The following DLG2 variants were observed in gnomAD, a reference collection of about 807,000 sequenced individuals.
The protein encoded by DLG2 is disks large homolog 2.
DLG2 carries 45 observed loss-of-function variants against 132.5 expected under a neutral mutation model. The ratio of observed to expected loss-of-function variants is 0.34; its 90% confidence interval spans 0.27 to 0.44. The LOEUF is 0.44. DLG2 is among the 20% of genes least tolerant of loss of function. The pLI, the probability that DLG2 is intolerant of heterozygous loss-of-function variation, is 1.00. For missense variants in DLG2, 1,045 were observed against 1,196.9 expected (o/e 0.87, Z 1.87); for synonymous variants, 424 against 419.6 (o/e 1.01, Z -0.13).
intron 3 of DLG2, among the ~76,000 whole-genome samples, chr11:85,578,426 A>T (rs1367052590): frequency 6.6e-6 from 1 of 152,200 alleles, no homozygotes; most frequent in Non-Finnish European, 1.5e-5. Flanking sequence ...CTACACAGCA[A>T]AGGAAACTCT....
At chr11:83,966,381 T>C (rs2090197978) in intron 12 of DLG2, among the ~76,000 whole-genome samples, 3 of 152,020 alleles carry the variant, frequency 2.0e-5, no homozygotes, top group Non-Finnish European at 4.4e-5. Context: ...AGTTCAAGGG[T>C]ACCCTATTGT....
chr11:83,539,184 TC>T (rs1359000226), intron 20 of DLG2, among the ~76,000 whole-genome samples: 1 of 152,174 alleles, frequency 6.6e-6, no homozygotes, highest in Admixed American at 6.5e-5. Context: ...TAAAATTTAT[TC>T]ACCATCTTCA....
intron 6 of DLG2, among the ~76,000 whole-genome samples, chr11:84,958,602 A>G (rs2052041579): frequency 6.6e-6 from 1 of 152,154 alleles, no homozygotes; most frequent in Admixed American, 6.5e-5. Context: ...ACAGCCAGAA[A>G]GACACAGACG....
intron 3 of DLG2, among the ~76,000 whole-genome samples, chr11:85,583,130 G>GTGTGTGTGTGTATA (rs1555190569): frequency 7.3e-5 from 1 of 13,606 alleles, no homozygotes; most frequent in Admixed American, 9.5e-4. Flanking sequence ...GTGTGTGTGT[G>GTGTGTGTGTGTATA]TATATATATA....
At chr11:85,105,853 G>C (rs1002200450) in intron 6 of DLG2, among the ~76,000 whole-genome samples, 2 of 151,910 alleles carry the variant, frequency 1.3e-5, no homozygotes, top group Non-Finnish European at 2.9e-5. Flanking sequence ...GAAACACCCA[G>C]AGAGCAGACA....
At chr11:84,541,140 T>C (rs183129796) in intron 6 of DLG2, among the ~76,000 whole-genome samples, 2,000 of 151,876 alleles carry the variant, frequency 0.013, 42 homozygotes, top group African/African-American at 0.046. Flanking sequence ...TGTATACATA[T>C]GTAACAAACC....
intron 4 of DLG2, among the ~76,000 whole-genome samples, chr11:85,186,020 G>C (rs1469628588): frequency 6.6e-6 from 1 of 151,702 alleles, no homozygotes; most frequent in South Asian, 2.1e-4. Flanking sequence ...TTATCATTTA[G>C]TTAGTCACTA....
chr11:84,237,843 C>T (rs149084056), intron 8 of DLG2, among the ~76,000 whole-genome samples: 1 of 152,004 alleles, frequency 6.6e-6, no homozygotes, highest in East Asian at 1.9e-4. Context: ...CAAGACCAGC[C>T]TGGCCAACAC....
At chr11:84,091,793 T>A (rs911812370) in intron 10 of DLG2, among the ~76,000 whole-genome samples, 30 of 152,344 alleles carry the variant, frequency 2.0e-4, no homozygotes, top group African/African-American at 6.7e-4. Context: ...TCAGCTGGAC[T>A]GTATTCATTT....
At chr11:84,217,224 T>A (rs1436646559) in intron 8 of DLG2, among the ~76,000 whole-genome samples, 2 of 152,176 alleles carry the variant, frequency 1.3e-5, no homozygotes, top group Non-Finnish European at 2.9e-5. Flanking sequence ...TTTATATGGG[T>A]TGGCTGTGTC....
At chr11:85,453,227 A>G in intron 3 of DLG2, 1 of 367,600 alleles carries the variant, frequency 2.7e-6, no homozygotes, top group Non-Finnish European at 4.8e-6. Context: ...CCAAATTATT[A>G]TCTGGTCCAG....
intron 6 of DLG2, among the ~76,000 whole-genome samples, chr11:85,073,684 A>G (rs1443836421): frequency 1.3e-5 from 2 of 151,858 alleles, no homozygotes; most frequent in Non-Finnish European, 2.9e-5. Flanking sequence ...GTCAAAGAAT[A>G]TTCTTTCTAA....
At chr11:85,304,825 G>T (rs1379620065) in intron 3 of DLG2, among the ~76,000 whole-genome samples, 1 of 152,146 alleles carries the variant, frequency 6.6e-6, no homozygotes, top group African/African-American at 2.4e-5. Flanking sequence ...TCAGTAGAAA[G>T]TTGGAAATGG....
intron 4 of DLG2, among the ~76,000 whole-genome samples, chr11:85,237,513 A>C (rs1464624118): frequency 1.3e-5 from 2 of 151,948 alleles, no homozygotes; most frequent in Non-Finnish European, 2.9e-5. Flanking sequence ...TTAAAACTTG[A>C]CTCCCCCAAA....
At chr11:84,701,195 T>C (rs1369435284) in intron 6 of DLG2, among the ~76,000 whole-genome samples, 2 of 151,576 alleles carry the variant, frequency 1.3e-5, no homozygotes. Context: ...CAATACATTT[T>C]TTTTTTCTGT....
intron 7 of DLG2, among the ~76,000 whole-genome samples, chr11:84,518,589 T>C (rs963754696): frequency 6.6e-6 from 1 of 152,122 alleles, no homozygotes; most frequent in Non-Finnish European, 1.5e-5. Flanking sequence ...TCGGAAGCTC[T>C]CAAAACTGTC....
chr11:84,273,051 C>T, intron 7 of DLG2: 1 of 1,050,810 alleles, frequency 9.5e-7, no homozygotes. Flanking sequence ...CTATGATCAT[C>T]AAATGCACAG....
Position 84,388,076 on chromosome 11 carries a change from C to A in DLG2, c.520-136785G>T, listed in dbSNP as rs573147381. ...TCTATCTTCTTGTTGTTCTACACTG[C>A]ACCATTATAGGTGCAACCATACACT... On this transcript the variant is annotated intron_variant, in intron 7 of 27. Transcript: ENST00000376104. 9.7e-4 allele frequency among the ~76,000 whole-genome samples: 148 copies of A among 152,296 alleles called. 1 individual carries two copies. Among genetic ancestry groups the A allele is most frequent in the African/African-American group, 3.4e-3 (140 of 41,570 alleles).
intron 3 of DLG2, among the ~76,000 whole-genome samples, chr11:85,342,335 TG>T (rs2082557795): frequency 6.6e-6 from 1 of 152,110 alleles, no homozygotes; most frequent in African/African-American, 2.4e-5. Flanking sequence ...AAACTTTTTT[TG>T]TTAAAAACTA....
Sources: allele counts gnomAD v4.1 joint callset (sites outside exome capture counted in the v4.1 genomes callset), GRCh38; gene constraint gnomAD v4.1.1; transcripts MANE v1.5; gene names NCBI Gene and HGNC (gene_info 2026-07-23, HGNC 2026-07-21).